BAIAP2L1: variants seen among roughly 807,000 people sequenced by gnomAD.
The protein encoded by BAIAP2L1 is BAR/IMD domain-containing adapter protein 2-like 1.
In BAIAP2L1, 35 loss-of-function variants were observed where a neutral mutation model predicts 66.3. The observed-to-expected ratio is 0.53, with a 90% CI of 0.40 to 0.70. The LOEUF (loss-of-function observed/expected upper bound fraction) is 0.70, where lower values mean the gene tolerates loss of function less well. Ranked by LOEUF, BAIAP2L1 falls within the 30% of genes least tolerant of loss-of-function variation. The pLI, the probability that BAIAP2L1 is intolerant of heterozygous loss-of-function variation, is 0.00. For missense variants in BAIAP2L1, 622 were observed against 656.9 expected (o/e 0.95, Z 0.58); for synonymous variants, 269 against 248.7 (o/e 1.08, Z -0.77).
At chr7:98,358,020 A>T (rs911423471) in intron 2 of BAIAP2L1, among the ~76,000 whole-genome samples, 2 of 152,244 alleles carry the variant, frequency 1.3e-5, no homozygotes, top group African/African-American at 4.8e-5. Flanking sequence ...GGAACATCTT[A>T]GTATGAAGAT....
chr7:98,360,806 C>T (rs970559548), intron 2 of BAIAP2L1, among the ~76,000 whole-genome samples: 5 of 152,182 alleles, frequency 3.3e-5, no homozygotes, highest in Non-Finnish European at 7.3e-5. Context: ...GCAGAAGTCA[C>T]GGGGACCACT....
chr7:98,381,667 C>T (rs183334556), intron 1 of BAIAP2L1, among the ~76,000 whole-genome samples: 44 of 152,322 alleles, frequency 2.9e-4, no homozygotes, highest in Non-Finnish European at 5.1e-4. Context: ...GACGCAATCA[C>T]GTTGCTGTGA....
Position 98,400,986 on chromosome 7 carries a change from G to T in BAIAP2L1, c.-134C>A. On this transcript the variant is annotated 5_prime_UTR_variant, in exon 1 of 14. Transcript: ENST00000005260. ...CGGCCGCCGCCGCAGCCGTCGGCCC[G>T]AGAGTGCCCGCGCGCGTCTCCGCTG... The T allele has an allele frequency of 1.4e-6, 1 of 697,794 alleles. No individual in the cohort carries two copies. Among genetic ancestry groups the T allele is most frequent in the Non-Finnish European group, 2.0e-6 (1 of 488,982 alleles). 43.2% of individuals were successfully genotyped at this position (697,794 alleles called of 1,614,324 possible). A position where few individuals can be genotyped will look rare whatever the true frequency, so the allele number is the denominator to read the frequency against.
intron 3 of BAIAP2L1, among the ~76,000 whole-genome samples, chr7:98,323,664 C>T (rs1038020067): frequency 3.3e-5 from 5 of 152,224 alleles, no homozygotes; most frequent in African/African-American, 9.6e-5. Context: ...TGGCTTCCCG[C>T]AGCATGGCGG....
chr7:98,303,981 T>G (rs1800530772), intron 12 of BAIAP2L1, among the ~76,000 whole-genome samples: 2 of 152,092 alleles, frequency 1.3e-5, no homozygotes, highest in African/African-American at 4.8e-5. Context: ...AGAGTCCACA[T>G]GAAAGAAGGG....
chr7:98,392,099 G>T (rs1390561176), intron 1 of BAIAP2L1, among the ~76,000 whole-genome samples: 1 of 151,240 alleles, frequency 6.6e-6, no homozygotes, highest in Non-Finnish European at 1.5e-5. Flanking sequence ...TACTTGGGAG[G>T]CTGAGGTAGG....
intron 1 of BAIAP2L1, among the ~76,000 whole-genome samples, chr7:98,393,196 T>G (rs113498367): frequency 1.4e-5 from 2 of 141,172 alleles, no homozygotes; most frequent in Non-Finnish European, 3.1e-5. Context: ...TGTGTGTTTA[T>G]ATATATATGT....
chr7:98,354,533 G>A (rs1225204082), intron 3 of BAIAP2L1, among the ~76,000 whole-genome samples: 3 of 152,216 alleles, frequency 2.0e-5, no homozygotes, highest in South Asian at 2.1e-4. Flanking sequence ...AGATCCCCTC[G>A]GCAGCGGGCA....
chr7:98,399,340 A>G (rs1432882985), intron 1 of BAIAP2L1, among the ~76,000 whole-genome samples: 1 of 152,204 alleles, frequency 6.6e-6, no homozygotes, highest in Non-Finnish European at 1.5e-5. Flanking sequence ...AACGGAACGG[A>G]TCTCTTGGAT....
chr7:98,349,950 G>A (rs1004125898), intron 3 of BAIAP2L1, among the ~76,000 whole-genome samples: 11 of 152,010 alleles, frequency 7.2e-5, no homozygotes, highest in African/African-American at 2.2e-4. Context: ...CCAGCTACTC[G>A]GGAGACTAAG....
chr7:98,315,463 T>C lies in BAIAP2L1; in HGVS notation c.636A>G (p.Leu212=). 6.9e-7 allele frequency: 1 copy of C among 1,459,670 alleles called. No individual in the cohort carries two copies. The highest frequency in any genetic ancestry group is 1.5e-5 in the African/African-American group (1 of 68,944). The allele number at this position is 1,459,670 out of a possible 1,614,324, so 90.4% of individuals were successfully genotyped here. The change falls in exon 7 of 14, where the codon TTA becomes TTG. Residue 212 remains leucine (L), a synonymous_variant. Transcript: ENST00000005260. ...GFANHIHYYH[L]QSAELLNSKL... ...GGCAATTTGCCACCACACCCACCTG[T>C]AAGTGATAATAATGTATGTGGTTTG...
At chr7:98,323,958 C>T (rs1801314688) in intron 3 of BAIAP2L1, among the ~76,000 whole-genome samples, 1 of 152,110 alleles carries the variant, frequency 6.6e-6, no homozygotes, top group South Asian at 2.1e-4. Flanking sequence ...AATGCGATGC[C>T]ACATTGGTTT....
chr7:98,330,106 T>C (rs1222637671), intron 3 of BAIAP2L1, among the ~76,000 whole-genome samples: 1 of 152,140 alleles, frequency 6.6e-6, no homozygotes, highest in Non-Finnish European at 1.5e-5. Context: ...GTTCCTATTA[T>C]CTGACACGTC....
rs146282006 is a variant in BAIAP2L1, at chr7:98,323,595, C to T, written c.215-3297G>A. On this transcript the variant is annotated intron_variant, in intron 3 of 13. Coordinates refer to ENST00000005260, the MANE Select transcript of BAIAP2L1 (RefSeq NM_018842.5). Reference sequence around the variant, plus strand: ...TGTGTGCTAGGGTGGACGCCAACACCGTTGAACCTGGTGCTCTGGCCTGGC... The same window carrying T: ...TGTGTGCTAGGGTGGACGCCAACACTGTTGAACCTGGTGCTCTGGCCTGGC... Among the ~76,000 whole-genome samples, 212 of 152,324 alleles carry T rather than the reference C, an allele frequency of 1.4e-3. 2 individuals carry two copies. In the East Asian group the frequency reaches 0.035, roughly 25 times the overall value.
intron 3 of BAIAP2L1, among the ~76,000 whole-genome samples, chr7:98,321,723 C>T (rs1455279884): frequency 6.6e-6 from 1 of 152,152 alleles, no homozygotes; most frequent in Non-Finnish European, 1.5e-5. Flanking sequence ...TCTGGAACCA[C>T]CGTTACCACC....
rs1801264150 is a variant in BAIAP2L1, at chr7:98,322,086, AC to A, written c.215-1789del. Among the ~76,000 whole-genome samples, 2 of 151,988 alleles carry A rather than the reference AC, an allele frequency of 1.3e-5. 1 individual carries two copies. Among genetic ancestry groups the A allele is most frequent in the East Asian group, 3.9e-4 (2 of 5,176 alleles). On this transcript the variant is annotated intron_variant, in intron 3 of 13. Coordinates refer to ENST00000005260, the MANE Select transcript of BAIAP2L1 (RefSeq NM_018842.5). The stretch of plus-strand genomic sequence containing the variant: ...ACTCCAGCCTGGGTGACAGAGTGAG[AC>A]CCTGTCTCCCCGCCCCCCAAAAAAG...
At chr7:98,369,734 C>T (rs1310861934) in intron 1 of BAIAP2L1, among the ~76,000 whole-genome samples, 2 of 144,886 alleles carry the variant, frequency 1.4e-5, no homozygotes, top group South Asian at 2.2e-4. Flanking sequence ...TGCAATGGTG[C>T]CATCTCGGCT....
Position 98,320,361 on chromosome 7 carries a change from GTT to G in BAIAP2L1, c.215-65_215-64del. 3.1e-6 allele frequency: 4 copies of G among 1,308,434 alleles called. No individual in the cohort carries two copies. In the Admixed American group the frequency reaches 8.3e-5, roughly 27 times the overall value. 81.1% of individuals were successfully genotyped at this position (1,308,434 alleles called of 1,614,324 possible). A position where few individuals can be genotyped will look rare whatever the true frequency, so the allele number is the denominator to read the frequency against. ...GCGTATTTTTTTGTTTTGAAATGGA[GTT>G]TTTGCTCTGTCGCCCAGGCTGGAGT... On this transcript the variant is annotated intron_variant, in intron 3 of 13. Transcript: ENST00000005260.
intron 7 of BAIAP2L1, among the ~76,000 whole-genome samples, chr7:98,313,366 G>A (rs1457984488): frequency 1.3e-5 from 2 of 152,140 alleles, no homozygotes; most frequent in Non-Finnish European, 2.9e-5. Context: ...TTAAGTCTAA[G>A]AAAGACTCTG....
Sources: allele counts gnomAD v4.1 joint callset (sites outside exome capture counted in the v4.1 genomes callset), GRCh38; gene constraint gnomAD v4.1.1; transcripts MANE v1.5; gene names NCBI Gene and HGNC (gene_info 2026-07-23, HGNC 2026-07-21).